The following CDH23 variants were observed in gnomAD, a reference collection of about 807,000 sequenced individuals.
CDH23 encodes the protein cadherin-23.
In CDH23, 189 loss-of-function variants were observed where a neutral mutation model predicts 317.1. That is an observed-to-expected ratio of 0.60 (90% CI 0.53 to 0.67). The LOEUF is 0.67. Ranked by LOEUF, CDH23 falls within the 30% of genes least tolerant of loss-of-function variation. The pLI, the probability that CDH23 is intolerant of heterozygous loss-of-function variation, is 0.00. For missense variants in CDH23, 4,401 were observed against 4,592.4 expected (o/e 0.96, Z 1.20); for synonymous variants, 1,839 against 1,876.8 (o/e 0.98, Z 0.52).
In CDH23 at chr10:71,815,018, C is replaced by A; in HGVS notation, c.9805C>A (p.Arg3269Ser). 6.2e-7 allele frequency: 1 copy of A among 1,612,446 alleles called. No individual in the cohort carries two copies. The change falls in exon 70 of 70, where the codon CGC becomes AGC. Residue 3269 changes from arginine to serine, a missense_variant. This residue lies in a region of CDH23 where 1,144 missense variants were observed against 1,138.2 expected (regional missense o/e 1.01). Coordinates refer to ENST00000224721, the MANE Select transcript of CDH23 (RefSeq NM_022124.6). ...CCCAGGGCAGGGTAGCCTGCGCTTC[C>A]GCCACAAGCCACCAGTGGAGCTCAA... ...HSPGQGSLRF[R>S]HKPPVELKGP...
At position 71,397,415 on chromosome 10, in the gene CDH23, G is replaced by A. The variant is rs1025984673; in HGVS notation, c.-6+97G>A. On this transcript the variant is annotated intron_variant, in intron 1 of 69. Transcript: ENST00000224721. This position sits in a 1 kb window ranked among gnomAD's most constrained non-coding sequence, Gnocchi z 4.8. ...CGGCGGGGAAGTTGGTGGTGACCGC[G>A]GCTGCCGAACCACTTGTTCCCAGCG... The A allele has an allele frequency of 6.6e-6, 1 of 151,916 alleles. No homozygotes were observed. The highest frequency in any genetic ancestry group is 2.4e-5 in the African/African-American group (1 of 41,276). 9.4% of individuals were successfully genotyped at this position (151,916 alleles called of 1,614,324 possible).
chr10:71,591,220 G>A (rs990202678), intron 9 of CDH23, among the ~76,000 whole-genome samples: 1 of 152,212 alleles, frequency 6.6e-6, no homozygotes, highest in Admixed American at 6.5e-5. Context: ...AGCTTCACCC[G>A]AATGCTGGTT....
chr10:71,646,841 C>T (rs922807301), intron 14 of CDH23: 14 of 1,470,292 alleles, frequency 9.5e-6, no homozygotes, highest in African/African-American at 2.8e-5. Context: ...TGAGGGGTGA[C>T]GAGACTGAGC....
chr10:71,419,174 T>G (rs941102057), intron 1 of CDH23, among the ~76,000 whole-genome samples: 1 of 152,080 alleles, frequency 6.6e-6, no homozygotes, highest in Non-Finnish European at 1.5e-5. Context: ...ATATGCATAC[T>G]CTCCCCTCCC....
chr10:71,800,592 C>A, intron 52 of CDH23, 44 bp from the exon 53 acceptor site: 1 of 1,597,426 alleles, frequency 6.3e-7, no homozygotes, highest in East Asian at 2.3e-5. Flanking sequence ...CAATAAATAT[C>A]TTTTGAATGA....
Position 71,812,856 on chromosome 10 carries a change from A to G in CDH23, c.9599A>G (p.Lys3200Arg). 1 of 1,613,760 alleles carries G rather than the reference A, an allele frequency of 6.2e-7. No homozygotes were observed. Among genetic ancestry groups the G allele is most frequent in the South Asian group, 1.1e-5 (1 of 91,006 alleles). Residue 3200 changes from lysine to arginine, a missense_variant, in exon 68 of 70, where the codon AAG (lysine) becomes AGG (arginine). Around this residue, in one of 3 missense-constraint regions of CDH23, gnomAD observed 1,144 missense variants for 1,138.2 expected, o/e 1.01. Transcript: ENST00000224721. ...AAIQEYDNIA[K>R]LGQIIREGPI... ...ATCCAGGAGTATGACAACATTGCCA[A>G]GCTGGGCCAGATCATTCGTGAGGGG...
intron 7 of CDH23, among the ~76,000 whole-genome samples, chr10:71,568,849 C>G (rs569220022): frequency 6.6e-6 from 1 of 152,314 alleles, no homozygotes; most frequent in East Asian, 1.9e-4. Flanking sequence ...GATCACTCCC[C>G]TTTCCCCACC....
chr10:71,556,842 A>G (rs1350610534), intron 6 of CDH23, among the ~76,000 whole-genome samples: 8 of 152,102 alleles, frequency 5.3e-5, no homozygotes, highest in Admixed American at 5.2e-4. Context: ...ATGCCTATAC[A>G]TTGTTTTAGT....
At chr10:71,582,125 A>C (rs1382928241) in intron 9 of CDH23, among the ~76,000 whole-genome samples, 1 of 152,230 alleles carries the variant, frequency 6.6e-6, no homozygotes, top group Admixed American at 6.5e-5. Context: ...AGCAGGACCC[A>C]GGGGTCCTTG....
chr10:71,444,381 G>A (rs1415116502), intron 2 of CDH23, among the ~76,000 whole-genome samples: 1 of 152,342 alleles, frequency 6.6e-6, no homozygotes, highest in East Asian at 1.9e-4. Flanking sequence ...TTTCAAAAAA[G>A]GTGAGGCCCT....
In CDH23 at chr10:71,439,879, G is replaced by A. The variant is rs1487107793; in HGVS notation, c.48G>A (p.Val16=). 6.3e-7 allele frequency: 1 copy of A among 1,575,548 alleles called. No individual in the cohort carries two copies. Among genetic ancestry groups the A allele is most frequent in the Non-Finnish European group, 8.6e-7 (1 of 1,159,450 alleles). The stretch of plus-strand genomic sequence containing the variant: ...GCTGCCACGTGGCCTGGCTTTTGGT[G>A]CTGATCTCTGGATGCTGGGGTAAGT... The part of the protein sequence containing the change: ...ATSCHVAWLL[V]LISGCWGQVN... The change falls in exon 2 of 70, where the codon GTG becomes GTA. Residue 16 remains valine (V), a synonymous_variant. Coordinates refer to ENST00000224721, the MANE Select transcript of CDH23 (RefSeq NM_022124.6).
chr10:71,813,432 CTA>C (rs757974481), intron 69 of CDH23, 84 bp downstream of exon 69: 3 of 1,213,400 alleles, frequency 2.5e-6, no homozygotes, highest in East Asian at 2.5e-5. Flanking sequence ...CTGTCCTTCT[CTA>C]TGTCTCTGGA....
chr10:71,525,323 C>T (rs1278406477), intron 6 of CDH23, among the ~76,000 whole-genome samples: 4 of 152,306 alleles, frequency 2.6e-5, no homozygotes, highest in Non-Finnish European at 5.9e-5. Context: ...TTACAGCAGC[C>T]ATAGGAAACT....
rs2297953 is a variant in CDH23, at chr10:71,509,957, T to C, written c.146-125T>C. On this transcript the variant is annotated intron_variant, in intron 3 of 69. Transcript: ENST00000224721. ...GATGCGCCAGGGCCTTGTGATGATC[T>C]GTGGCCTGCTGGAGGATTGCTGAAT... 0.67 allele frequency: 707,624 copies of C among 1,049,302 alleles called. 242,736 individuals carry two copies. Among genetic ancestry groups the C allele is most frequent in the African/African-American group, 0.93 (59,866 of 64,462 alleles). The allele number at this position is 1,049,302 out of a possible 1,614,324, so 65.0% of individuals were successfully genotyped here. A position where few individuals can be genotyped will look rare whatever the true frequency, so the allele number is the denominator to read the frequency against.
intron 14 of CDH23, among the ~76,000 whole-genome samples, chr10:71,666,132 A>G (rs1863881926): frequency 6.6e-6 from 1 of 151,904 alleles, no homozygotes; most frequent in South Asian, 2.1e-4. Context: ...TCAGGTCCCC[A>G]TCCTGTCCTC....
rs561784420 is a variant in CDH23 at position 71,745,305 on chromosome 10, A to T, written c.4845+3384A>T. Among the ~76,000 whole-genome samples, 12 of 152,346 alleles carry T rather than the reference A, an allele frequency of 7.9e-5. No individual in the cohort carries two copies. The East Asian group carries it at 1.5e-3, about 20-fold the overall frequency. Reference sequence around the variant, plus strand: ...CTTGTTGGTCAGTCTTGGTTAGCACAGCCAAGAAAGAAGCATATTCTGGGG... The same window carrying T: ...CTTGTTGGTCAGTCTTGGTTAGCACTGCCAAGAAAGAAGCATATTCTGGGG... On this transcript the variant is annotated intron_variant, in intron 38 of 69. Coordinates refer to ENST00000224721, the MANE Select transcript of CDH23 (RefSeq NM_022124.6).
chr10:71,699,718 G>A (rs985795050), intron 22 of CDH23, among the ~76,000 whole-genome samples: 3 of 152,210 alleles, frequency 2.0e-5, no homozygotes, highest in Admixed American at 6.5e-5. Flanking sequence ...ATCAGGCTAG[G>A]AGAAAAATGA....
intron 4 of CDH23, 54 bp downstream of exon 4, chr10:71,510,278 A>G (rs1289020816): frequency 1.3e-6 from 2 of 1,586,078 alleles, no homozygotes. Flanking sequence ...AGGAGGAGAC[A>G]CTGGGGGAAG....
rs777848524 is a variant in CDH23 at position 71,761,775 on chromosome 10, C to T, written c.4846-15905C>T. The T allele has an allele frequency of 4.3e-6, 7 of 1,614,012 alleles. No homozygotes were observed. The South Asian group carries it at 4.4e-5, about 10-fold the overall frequency. On this transcript the variant is annotated intron_variant, in intron 38 of 69. Transcript: ENST00000224721. ...TCCAGCCCGTGGCGCTGAGCCAGGT[C>T]GTGGCTGGTGTTGGCAGCCTGGTGG...
Sources: allele counts gnomAD v4.1 joint callset (sites outside exome capture counted in the v4.1 genomes callset), GRCh38; gene constraint gnomAD v4.1.1; regional missense constraint gnomAD v4.1.1; non-coding constraint Gnocchi (gnomAD v3.1); transcripts MANE v1.5; gene names NCBI Gene and HGNC (gene_info 2026-07-23, HGNC 2026-07-21).